Variants in ATP8B1 observed in about 807,000 individuals in gnomAD.
ATP8B1 encodes phospholipid-transporting ATPase IC.
A neutral mutation model predicts 149.9 loss-of-function variants in ATP8B1; 80 were observed. The observed-to-expected ratio is 0.53, with a 90% CI of 0.45 to 0.64. The LOEUF (loss-of-function observed/expected upper bound fraction) is 0.64. Among genes scored for constraint, ATP8B1 ranks in the 30% least tolerant of loss-of-function variants. The pLI is 0.00. For missense variants in ATP8B1, 1,247 were observed against 1,552.6 expected, an observed-to-expected ratio of 0.80 and a Z score of 3.31; for synonymous variants, 536 against 562.8, an observed-to-expected ratio of 0.95 and a Z score of 0.67.
At chr18:57,738,585 C>T (rs1568048147) in intron 1 of ATP8B1, among the ~76,000 whole-genome samples, 1 of 152,044 alleles carries the variant, frequency 6.6e-6, no homozygotes, top group Non-Finnish European at 1.5e-5. Context: ...CGCCATTGCA[C>T]TCCAGCCTGG....
At chr18:57,692,135 A>G in intron 11 of ATP8B1, 138 bp from the exon 12 acceptor site, 1 of 1,366,882 alleles carries the variant, frequency 7.3e-7, no homozygotes, top group South Asian at 1.5e-5. Context: ...ATGTCAAATA[A>G]AAACAGCACT....
intron 12 of ATP8B1, among the ~76,000 whole-genome samples, chr18:57,690,683 A>G (rs1419310090): frequency 1.3e-5 from 2 of 152,246 alleles, no homozygotes; most frequent in African/African-American, 4.8e-5. Flanking sequence ...CAAATTAAAA[A>G]TAAAGCAAAT....
chr18:57,674,790 C>T, intron 16 of ATP8B1, 44 bp downstream of exon 16: 1 of 1,601,444 alleles, frequency 6.2e-7, no homozygotes, highest in Non-Finnish European at 8.6e-7. Flanking sequence ...GCACAAGCAA[C>T]ATCTAAATGA....
chr18:57,764,375 TTC>T (rs1203784103), intron 1 of ATP8B1, among the ~76,000 whole-genome samples: 2 of 150,506 alleles, frequency 1.3e-5, no homozygotes, highest in African/African-American at 4.9e-5. Context: ...CTTTCTTTCT[TTC>T]TCTTTTTCTC....
At chr18:57,735,214 T>C in intron 1 of ATP8B1, 1 of 169,780 alleles carries the variant, frequency 5.9e-6, no homozygotes, top group Non-Finnish European at 1.2e-5. Flanking sequence ...GCTGTTTTGC[T>C]GCCGTCGCAG....
At chr18:57,719,001 A>T (rs2079611257) in intron 2 of ATP8B1, among the ~76,000 whole-genome samples, 1 of 152,222 alleles carries the variant, frequency 6.6e-6, no homozygotes, top group Admixed American at 6.5e-5. Flanking sequence ...AGTCCTAGCT[A>T]GAGCAATCGG....
intron 4 of ATP8B1, 73 bp downstream of exon 4, chr18:57,704,482 T>G: frequency 9.7e-7 from 1 of 1,027,840 alleles, no homozygotes; most frequent in Non-Finnish European, 1.5e-6. Flanking sequence ...TTATTCACAT[T>G]ATATGTGTCT....
At chr18:57,717,183 G>A (rs1332232084) in intron 2 of ATP8B1, among the ~76,000 whole-genome samples, 1 of 152,064 alleles carries the variant, frequency 6.6e-6, no homozygotes, top group Non-Finnish European at 1.5e-5. Flanking sequence ...AGTACTAGGA[G>A]GGAAGTTTAT....
chr18:57,664,501 GAA>G (rs532262308), intron 20 of ATP8B1, among the ~76,000 whole-genome samples: 9 of 99,478 alleles, frequency 9.0e-5, no homozygotes, highest in African/African-American at 1.7e-4. Context: ...GTCTTTCTAA[GAA>G]AAAAAAAAAA....
intron 12 of ATP8B1, among the ~76,000 whole-genome samples, chr18:57,690,984 G>A (rs1208034188): frequency 6.6e-6 from 1 of 152,070 alleles, no homozygotes; most frequent in East Asian, 1.9e-4. Context: ...AGACCAGCCT[G>A]GCCAACTTGG....
chr18:57,672,974 T>TGTATATATATAA lies in ATP8B1; in HGVS notation c.1820-1395_1820-1394insTTATATATATAC, dbSNP rs1911350271. Among the ~76,000 whole-genome samples, 2 of 39,754 alleles carry TGTATATATATAA rather than the reference T, an allele frequency of 5.0e-5. 1 individual carries two copies. Among genetic ancestry groups the TGTATATATATAA allele is most frequent in the African/African-American group, 1.8e-4 (2 of 11,064 alleles). The allele number at this position is 39,754 out of a possible 152,430, so 26.1% of individuals were successfully genotyped here. A position where few individuals can be genotyped will look rare whatever the true frequency, so the allele number is the denominator to read the frequency against. On this transcript the variant is annotated intron_variant, in intron 16 of 27. Coordinates refer to ENST00000648908, the MANE Select transcript of ATP8B1 (RefSeq NM_001374385.1). ...ATATACATACATATATCTACATATA[T>TGTATATATATAA]ACACACATATATAAATACATGTATA... is the stretch of plus-strand genomic sequence containing the variant.
rs2080592069 is a variant in ATP8B1, at chr18:57,802,678, A to T, written c.-26+320T>A. Among the ~76,000 whole-genome samples, 1 of 152,188 alleles carries T rather than the reference A, an allele frequency of 6.6e-6. No individual in the cohort carries two copies. The highest frequency in any genetic ancestry group is 1.5e-5 in the Non-Finnish European group (1 of 68,026). On this transcript the variant is annotated intron_variant, in intron 1 of 27. Transcript: ENST00000648908. The surrounding 1 kb of genome is among the most constrained non-coding windows in gnomAD (Gnocchi z 4.9). Reference sequence around the variant, plus strand: ...AAGCCCTACCTGGCTTAACCCCCGGACATGTGTGTCGCTACCGATCGAAGA... The same window carrying T: ...AAGCCCTACCTGGCTTAACCCCCGGTCATGTGTGTCGCTACCGATCGAAGA...
chr18:57,674,249 A>G (rs1457773645), intron 16 of ATP8B1, among the ~76,000 whole-genome samples: 9 of 149,950 alleles, frequency 6.0e-5, no homozygotes, highest in Non-Finnish European at 1.3e-4. Flanking sequence ...CTCAAAAAAA[A>G]AAAAAAAAAG....
chr18:57,694,170 T>G (rs1912683497), intron 11 of ATP8B1, among the ~76,000 whole-genome samples: 1 of 152,276 alleles, frequency 6.6e-6, no homozygotes, highest in East Asian at 1.9e-4. Context: ...TATTTGGAGC[T>G]ATACAGTATA....
chr18:57,780,729 G>T (rs757788832), intron 1 of ATP8B1, among the ~76,000 whole-genome samples: 14 of 152,186 alleles, frequency 9.2e-5, no homozygotes, highest in African/African-American at 3.1e-4. Context: ...AGGTAATATT[G>T]TACACGATAT....
chr18:57,794,975 C>CTA (rs1350341933), intron 1 of ATP8B1, among the ~76,000 whole-genome samples: 1 of 152,150 alleles, frequency 6.6e-6, no homozygotes, highest in African/African-American at 2.4e-5. Context: ...GTAATAAATA[C>CTA]TATAATACGT....
intron 2 of ATP8B1, among the ~76,000 whole-genome samples, chr18:57,730,752 T>C (rs2079754562): frequency 6.6e-6 from 1 of 152,118 alleles, no homozygotes; most frequent in Non-Finnish European, 1.5e-5. Flanking sequence ...TTGCTGGCCT[T>C]GGTCTAGACC....
At chr18:57,713,469 A>T (rs1222148034) in intron 2 of ATP8B1, among the ~76,000 whole-genome samples, 3 of 134,822 alleles carry the variant, frequency 2.2e-5, no homozygotes, top group Non-Finnish European at 3.1e-5. Context: ...GCTAATTTTT[A>T]AAAATTTTTT....
chr18:57,744,838 G>C (rs1011224175), intron 1 of ATP8B1, among the ~76,000 whole-genome samples: 2 of 152,114 alleles, frequency 1.3e-5, no homozygotes, highest in Non-Finnish European at 2.9e-5. Flanking sequence ...AAACATCATA[G>C]CTTTCTGGAA....
Sources: allele counts gnomAD v4.1 joint callset (sites outside exome capture counted in the v4.1 genomes callset), GRCh38; gene constraint gnomAD v4.1.1; non-coding constraint Gnocchi (gnomAD v3.1); transcripts MANE v1.5; gene names NCBI Gene and HGNC (gene_info 2026-07-23, HGNC 2026-07-21).